The following ANOS1 variants were observed in gnomAD, a reference collection of about 807,000 sequenced individuals.
The protein encoded by ANOS1 is anosmin 1, also known as anosmin-1.
A neutral mutation model predicts 59.0 loss-of-function variants in ANOS1; 6 were observed. The observed-to-expected ratio is 0.10, with a 90% CI of 0.06 to 0.20. ANOS1 has a LOEUF of 0.20. ANOS1 is among the 10% of genes least tolerant of loss of function. The pLI is 1.00. For missense variants in ANOS1, 433 were observed against 542.3 expected (o/e 0.80, Z 2.00); for synonymous variants, 217 against 223.4 (o/e 0.97, Z 0.25).
At chrX:8,661,812 A>C (rs1391883414) in intron 2 of ANOS1, among the ~76,000 whole-genome samples, 1 of 111,331 alleles carries the variant, frequency 9.0e-6, no homozygotes, top group Non-Finnish European at 1.9e-5. Flanking sequence ...CTTAAAAACA[A>C]CAGCATCGCG....
intron 9 of ANOS1, among the ~76,000 whole-genome samples, chrX:8,551,354 C>A (rs936790323): frequency 5.4e-5 from 6 of 111,792 alleles, no homozygotes; most frequent in Non-Finnish European, 1.1e-4. Context: ...AATTAAGAAC[C>A]ACTAAGGGCT....
intron 4 of ANOS1, among the ~76,000 whole-genome samples, chrX:8,594,239 T>A (rs1317006778): frequency 9.1e-6 from 1 of 110,480 alleles, no homozygotes; most frequent in East Asian, 2.9e-4. Flanking sequence ...AGGGAGGCAA[T>A]CTTATTTCAC....
chrX:8,661,482 AC>A (rs1932037672), intron 2 of ANOS1, among the ~76,000 whole-genome samples: 1 of 111,018 alleles, frequency 9.0e-6, no homozygotes, highest in African/African-American at 3.3e-5. Flanking sequence ...TACCTTAATT[AC>A]CCCTTTAAAG....
intron 2 of ANOS1, among the ~76,000 whole-genome samples, chrX:8,674,547 G>A (rs1422907792): frequency 1.8e-5 from 2 of 112,056 alleles, no homozygotes; most frequent in Non-Finnish European, 3.8e-5. Context: ...AAGAAGAATT[G>A]TCTTTGGCCA....
intron 2 of ANOS1, among the ~76,000 whole-genome samples, chrX:8,692,173 G>A (rs1358216794): frequency 9.0e-6 from 1 of 111,128 alleles, no homozygotes; most frequent in African/African-American, 3.3e-5. Context: ...ATTTTCAATG[G>A]TTGGAAAAAA....
At chrX:8,546,586 T>C (rs1488134399) in intron 9 of ANOS1, among the ~76,000 whole-genome samples, 1 of 112,085 alleles carries the variant, frequency 8.9e-6, no homozygotes, top group Non-Finnish European at 1.9e-5. Flanking sequence ...AGTCAGTGGA[T>C]TGACCATAGC....
At chrX:8,730,405 C>T (rs917106510) in intron 1 of ANOS1, among the ~76,000 whole-genome samples, 11 of 112,843 alleles carry the variant, frequency 9.7e-5, no homozygotes, top group African/African-American at 3.2e-4. Flanking sequence ...ATTTCTCTGA[C>T]ACCCACGAGA....
intron 2 of ANOS1, among the ~76,000 whole-genome samples, chrX:8,630,151 C>G (rs1209981813): frequency 1.8e-5 from 2 of 112,066 alleles, no homozygotes; most frequent in African/African-American, 6.5e-5. Context: ...ACATGCCGGC[C>G]AGGCGTGGTG....
At chrX:8,590,211 T>C (rs1445729907) in intron 4 of ANOS1, among the ~76,000 whole-genome samples, 3 of 112,154 alleles carry the variant, frequency 2.7e-5, no homozygotes, top group Non-Finnish European at 5.6e-5. Flanking sequence ...TTCTTCATAA[T>C]TGGCTACCAT....
At chrX:8,699,634 G>T in intron 2 of ANOS1, 64 bp downstream of exon 2, 1 of 881,814 alleles carries the variant, frequency 1.1e-6, no homozygotes, top group Non-Finnish European at 1.6e-6. Flanking sequence ...AACTTACTGT[G>T]AATCTATAAT....
At chrX:8,717,973 G>T (rs1932851443) in intron 1 of ANOS1, among the ~76,000 whole-genome samples, 1 of 110,160 alleles carries the variant, frequency 9.1e-6, no homozygotes, top group South Asian at 4.0e-4. Context: ...TGAGGTGGAG[G>T]GATCCTTGAG....
At chrX:8,546,370 T>C (rs1929771612) in intron 9 of ANOS1, among the ~76,000 whole-genome samples, 1 of 112,682 alleles carries the variant, frequency 8.9e-6, no homozygotes, top group Middle Eastern at 4.6e-3. Context: ...GTGTTCAACA[T>C]CATGAGCTCT....
intron 8 of ANOS1, among the ~76,000 whole-genome samples, chrX:8,554,423 C>T (rs1479283729): frequency 1.8e-5 from 2 of 111,051 alleles, no homozygotes; most frequent in Non-Finnish European, 3.8e-5. Flanking sequence ...TACGCTTTTC[C>T]CACTGTCTTC....
intron 3 of ANOS1, among the ~76,000 whole-genome samples, chrX:8,615,831 C>A (rs1189106480): frequency 9.0e-6 from 1 of 111,655 alleles, no homozygotes; most frequent in Admixed American, 9.5e-5. Flanking sequence ...CATTTCAAAC[C>A]TGCCTCCATA....
intron 9 of ANOS1, among the ~76,000 whole-genome samples, chrX:8,542,572 G>T (rs140793451): frequency 0.18 from 18,872 of 106,951 alleles, 1,451 homozygotes; most frequent in African/African-American, 0.27. Context: ...TCTTCTGGAG[G>T]TCTGAAATGG....
intron 2 of ANOS1, among the ~76,000 whole-genome samples, chrX:8,635,001 G>A (rs903884335): frequency 1.8e-5 from 2 of 111,469 alleles, no homozygotes; most frequent in African/African-American, 6.5e-5. Context: ...TAAACTGGTG[G>A]TTTAACCACA....
chrX:8,530,135 G>C lies in ANOS1; in HGVS notation c.*2860C>G, dbSNP rs1297229411. On this transcript the variant is annotated 3_prime_UTR_variant, in exon 14 of 14. Transcript: ENST00000262648. ...GTTGGTTTGCAAACATCATTCTATG[G>C]AGTTCCAGGTAGAAAAACAGGGTAA... The C allele has an allele frequency of 2.7e-5, 3 of 112,070 alleles. No individual in the cohort carries two copies. Among genetic ancestry groups the C allele is most frequent in the Non-Finnish European group, 3.8e-5 (2 of 53,294 alleles). The allele number at this position is 112,070 out of a possible 1,213,427, so 9.2% of individuals were successfully genotyped here. A position where few individuals can be genotyped will look rare whatever the true frequency, so the allele number is the denominator to read the frequency against.
At chrX:8,671,748 A>G (rs1367539796) in intron 2 of ANOS1, among the ~76,000 whole-genome samples, 5 of 109,582 alleles carry the variant, frequency 4.6e-5, no homozygotes, top group Admixed American at 2.0e-4. Flanking sequence ...AAAAATTCCA[A>G]CGACAGGAAT....
At chrX:8,602,184 A>G (rs1425292731) in intron 3 of ANOS1, among the ~76,000 whole-genome samples, 1 of 112,375 alleles carries the variant, frequency 8.9e-6, no homozygotes, top group Non-Finnish European at 1.9e-5. Context: ...TTGAAAAAAT[A>G]TTATTTGTTT....
Sources: gnomAD v4.1 joint callset for allele counts (sites outside exome capture counted in the v4.1 genomes callset) on GRCh38, gnomAD v4.1.1 for gene constraint, MANE v1.5 for transcripts, NCBI Gene and HGNC (gene_info 2026-07-23, HGNC 2026-07-21) for gene names.